TAB3: variants seen among roughly 807,000 people sequenced by gnomAD.
The protein encoded by TAB3 is TGF-beta-activated kinase 1 and MAP3K7-binding protein 3.
A neutral mutation model predicts 48.1 loss-of-function variants in TAB3; 18 were observed. The ratio of observed to expected loss-of-function variants is 0.37; its 90% CI spans 0.26 to 0.55. The LOEUF is 0.55. TAB3 is among the 20% of genes least tolerant of loss of function. The probability of loss-of-function intolerance (pLI) is 0.78; values close to 1 mark genes in which losing one functional copy is unlikely to be tolerated. For synonymous variants in TAB3, 185 were observed against 190.2 expected, an observed-to-expected ratio of 0.97 and a Z score of 0.22; for missense variants, 414 against 549.8, an observed-to-expected ratio of 0.75 and a Z score of 2.47.
chrX:30,839,464 GT>G (rs2072137602), intron 9 of TAB3, among the ~76,000 whole-genome samples: 1 of 111,321 alleles, frequency 9.0e-6, no homozygotes, highest in African/African-American at 3.3e-5. Flanking sequence ...CTGAAATTTT[GT>G]TTTCTTTTTG....
chrX:30,885,589 A>G (rs770880514), intron 1 of TAB3, among the ~76,000 whole-genome samples: 2 of 98,187 alleles, frequency 2.0e-5, no homozygotes, highest in African/African-American at 7.4e-5. Flanking sequence ...CAACTGGGAA[A>G]GAAGGATGGA....
intron 8 of TAB3, chrX:30,843,991 T>TC (rs1938541735): frequency 9.0e-6 from 1 of 110,690 alleles, no homozygotes; most frequent in East Asian, 2.8e-4. Flanking sequence ...CTTTTTTTTT[T>TC]CCCAACAAGT....
intron 1 of TAB3, among the ~76,000 whole-genome samples, chrX:30,875,502 C>T (rs1369420602): frequency 1.8e-5 from 2 of 109,627 alleles, no homozygotes; most frequent in East Asian, 2.8e-4. Context: ...TTCACAAGGG[C>T]AGATATATAT....
At chrX:30,864,042 T>C (rs1179891557) in intron 4 of TAB3, among the ~76,000 whole-genome samples, 2 of 111,828 alleles carry the variant, frequency 1.8e-5, no homozygotes, top group Non-Finnish European at 3.8e-5. Flanking sequence ...CTATTTTTTA[T>C]ACAATAAGTG....
At chrX:30,850,483 C>T (rs1056834307) in intron 7 of TAB3, among the ~76,000 whole-genome samples, 22 of 110,586 alleles carry the variant, frequency 2.0e-4, no homozygotes, top group Non-Finnish European at 3.8e-4. Flanking sequence ...GAGGCCGAGG[C>T]GGGCAGATCA....
At position 30,873,975 on chromosome X, in the gene TAB3, A is replaced by C. The variant is rs201655531; in HGVS notation, c.-382-2174T>G. Among the ~76,000 whole-genome samples the C allele has an allele frequency of 6.3e-5, 7 of 110,833 alleles. No homozygotes were observed. In the East Asian group the frequency reaches 1.4e-3, roughly 23 times the overall value. On this transcript the variant is annotated intron_variant, in intron 1 of 10. Transcript: ENST00000288422. ...GATCCCTTGATCCCAGGAGTTCAAG[A>C]CTGGCCTGGGCAACATGAGGAGACC...
rs1937969678 is a variant in TAB3 at position 30,829,658 on chromosome X, G to A, written c.*1769C>T. 9.0e-6 allele frequency: 1 copy of A among 111,544 alleles called. No homozygotes were observed. Among genetic ancestry groups the A allele is most frequent in the Non-Finnish European group, 1.9e-5 (1 of 53,090 alleles). The allele number at this position is 111,544 out of a possible 1,213,427, so 9.2% of individuals were successfully genotyped here. On this transcript the variant is annotated 3_prime_UTR_variant, in exon 11 of 11. Coordinates refer to ENST00000288422, the MANE Select transcript of TAB3 (RefSeq NM_152787.5). ...GTGTTAATTACCATGCTTCCTTTGG[G>A]AGACTAGTGGATATATTTTGGGGAG...
Position 30,852,864 on chromosome X carries a change from G to C in TAB3, c.1624C>G (p.Arg542Gly). Residue 542 changes from arginine (R) to glycine (G), a missense_variant, in exon 7 of 11, where the codon CGG becomes GGG. Arg to Gly is a moderately radical substitution (Grantham distance 125). Coordinates refer to ENST00000288422, the MANE Select transcript of TAB3 (RefSeq NM_152787.5). ...ATACCATTAACTTCAGACTTCAACC[G>C]CTCTAGCTCCTCTTTCTCAAGTTTC... The part of the protein sequence containing the change: ...QLKLEKEELE[R>G]LKSEVNGMEH... 8.3e-7 allele frequency: 1 copy of C among 1,210,793 alleles called. No individual in the cohort carries two copies. Among genetic ancestry groups the C allele is most frequent in the Non-Finnish European group, 1.1e-6 (1 of 894,974 alleles).
intron 4 of TAB3, among the ~76,000 whole-genome samples, chrX:30,862,749 A>T (rs1939288362): frequency 8.9e-6 from 1 of 112,095 alleles, no homozygotes; most frequent in Admixed American, 9.4e-5. Flanking sequence ...ATCATGACTC[A>T]AATCCACGCC....
At chrX:30,845,724 AG>A in intron 8 of TAB3, 1 of 135,505 alleles carries the variant, frequency 7.4e-6, no homozygotes, top group Non-Finnish European at 1.5e-5. Context: ...GACTTTTTTC[AG>A]TTGTTTTCAC....
Position 30,855,578 on chromosome X carries a change from GGTAAAA to G in TAB3, c.103-22_103-17del. 3 of 1,162,891 alleles carry G rather than the reference GGTAAAA, an allele frequency of 2.6e-6. No individual in the cohort carries two copies. The highest frequency in any genetic ancestry group is 3.4e-6 in the Non-Finnish European group (3 of 872,301). ...TGTTGTTATTCTAGGGGAGAAAAAT[GGTAAAA>G]GTAACATTGGCAACATTAACAAATT... is the stretch of plus-strand genomic sequence containing the variant. On this transcript the variant is annotated splice_polypyrimidine_tract_variant and intron_variant, in intron 5 of 10. Coordinates refer to ENST00000288422, the MANE Select transcript of TAB3 (RefSeq NM_152787.5).
In TAB3 at chrX:30,830,003, C is replaced by G. The variant is rs1010373539; in HGVS notation, c.*1424G>C. 9 of 111,060 alleles carry G rather than the reference C, an allele frequency of 8.1e-5. No individual in the cohort carries two copies. Among genetic ancestry groups the G allele is most frequent in the Non-Finnish European group, 1.7e-4 (9 of 53,043 alleles). The allele number at this position is 111,060 out of a possible 1,213,427, so 9.2% of individuals were successfully genotyped here. On this transcript the variant is annotated 3_prime_UTR_variant, in exon 11 of 11. Transcript: ENST00000288422. Reference sequence around the variant, plus strand: ...AGGGGAAGATTCCAAAACTCCAATTCTGAGCTAAGAAGGAACTCCAACAAT... The same window carrying G: ...AGGGGAAGATTCCAAAACTCCAATTGTGAGCTAAGAAGGAACTCCAACAAT...
At chrX:30,848,746 T>C (rs1242408465) in intron 7 of TAB3, among the ~76,000 whole-genome samples, 1 of 111,685 alleles carries the variant, frequency 9.0e-6, no homozygotes, top group Non-Finnish European at 1.9e-5. Flanking sequence ...TTCAAAGTTG[T>C]CTGTAAGAAA....
intron 5 of TAB3, 92 bp downstream of exon 5, chrX:30,859,391 CAAGA>C: frequency 4.7e-5 from 30 of 634,192 alleles, no homozygotes; most frequent in Admixed American, 1.7e-4. Flanking sequence ...CACACACACA[CAAGA>C]AAACATACCT....
At chrX:30,869,920 A>T (rs1808975353) in intron 2 of TAB3, among the ~76,000 whole-genome samples, 1 of 112,849 alleles carries the variant, frequency 8.9e-6, no homozygotes, top group Non-Finnish European at 1.9e-5. Flanking sequence ...ATACTCATTC[A>T]AAAAACTTGT....
At chrX:30,860,379 CA>C (rs1939217046) in intron 4 of TAB3, among the ~76,000 whole-genome samples, 1 of 111,544 alleles carries the variant, frequency 9.0e-6, no homozygotes, top group Non-Finnish European at 1.9e-5. Context: ...AGTGTGTACC[CA>C]AAGCTTATTA....
intron 4 of TAB3, among the ~76,000 whole-genome samples, chrX:30,864,513 AATTGCT>A (rs746206557): frequency 0.018 from 2,046 of 111,676 alleles, 15 homozygotes; most frequent in Non-Finnish European, 0.028. Context: ...CTCCCAACAG[AATTGCT>A]CCTCCCAATC....
At position 30,829,097 on chromosome X, in the gene TAB3, A is replaced by G. The variant is rs1193245482; in HGVS notation, c.*2330T>C. The G allele has an allele frequency of 8.9e-6, 1 of 112,402 alleles. No individual in the cohort carries two copies. Among genetic ancestry groups the G allele is most frequent in the Non-Finnish European group, 1.9e-5 (1 of 53,255 alleles). 9.3% of individuals were successfully genotyped at this position (112,402 alleles called of 1,213,427 possible). Reference sequence around the variant, plus strand: ...ATACCCCACCCTTTACACCTATCCAATAGACTGTTTTCTCTCTTTTCCTGG... The same window carrying G: ...ATACCCCACCCTTTACACCTATCCAGTAGACTGTTTTCTCTCTTTTCCTGG... On this transcript the variant is annotated 3_prime_UTR_variant, in exon 11 of 11. Transcript: ENST00000288422.
chrX:30,845,763 T>C (rs1389167890), intron 8 of TAB3: 1 of 162,715 alleles, frequency 6.1e-6, no homozygotes, highest in Admixed American at 7.9e-5. Flanking sequence ...TCCCTATTTT[T>C]TGAGTGATTT....
Sources: gnomAD v4.1 joint callset for allele counts (sites outside exome capture counted in the v4.1 genomes callset) on GRCh38, gnomAD v4.1.1 for gene constraint, MANE v1.5 for transcripts, NCBI Gene and HGNC (gene_info 2026-07-23, HGNC 2026-07-21) for gene names.